The following KCNH7 variants were observed in gnomAD, a reference collection of about 807,000 sequenced individuals.
The protein encoded by KCNH7 is potassium voltage-gated channel subfamily H member 7.
KCNH7 carries 49 observed loss-of-function variants against 120.8 expected under a neutral mutation model. The observed-to-expected ratio is 0.41, with a 90% CI of 0.32 to 0.51. KCNH7 has a LOEUF of 0.51. KCNH7 is among the 20% of genes least tolerant of loss of function. KCNH7 has a pLI of 0.38. For missense variants in KCNH7, 1,097 were observed against 1,446.6 expected (o/e 0.76, Z 3.92); for synonymous variants, 547 against 516.1 (o/e 1.06, Z -0.81).
At chr2:162,687,624 G>C (rs1198442149) in intron 2 of KCNH7, among the ~76,000 whole-genome samples, 2 of 152,016 alleles carry the variant, frequency 1.3e-5, no homozygotes, top group Non-Finnish European at 2.9e-5. Flanking sequence ...CACCACGAAA[G>C]TTGGCAAATG....
chr2:162,689,068 A>C (rs1433485141), intron 2 of KCNH7, among the ~76,000 whole-genome samples: 2 of 152,014 alleles, frequency 1.3e-5, no homozygotes, highest in Admixed American at 1.3e-4. Context: ...ATCTTCAATA[A>C]ATAGTATCTA....
chr2:162,714,718 A>G (rs1290370856), intron 2 of KCNH7, among the ~76,000 whole-genome samples: 1 of 152,226 alleles, frequency 6.6e-6, no homozygotes, highest in Non-Finnish European at 1.5e-5. Context: ...AGCAGTCTAG[A>G]CAATATGTAA....
At chr2:162,465,954 A>G (rs1440633173) in intron 6 of KCNH7, among the ~76,000 whole-genome samples, 1 of 152,200 alleles carries the variant, frequency 6.6e-6, no homozygotes, top group Non-Finnish European at 1.5e-5. Flanking sequence ...ACCTGTGAAG[A>G]TATTCAGAAT....
At position 162,459,113 on chromosome 2, in the gene KCNH7, C is replaced by T. The variant is rs114782624; in HGVS notation, c.1129-12670G>A. On this transcript the variant is annotated intron_variant, in intron 6 of 15. Coordinates refer to ENST00000332142, the MANE Select transcript of KCNH7 (RefSeq NM_033272.4). ...AGAGATTTTAAACTTGCAGAAGCAA[C>T]GGCTGAAGATCTGGAAAGTGGATTA... Among the ~76,000 whole-genome samples the T allele has an allele frequency of 8.4e-3, 1,269 of 150,960 alleles. 21 individuals carry two copies. The highest frequency in any genetic ancestry group is 0.029 in the African/African-American group (1,186 of 41,252).
intron 2 of KCNH7, among the ~76,000 whole-genome samples, chr2:162,698,221 G>A (rs573381362): frequency 3.3e-5 from 5 of 152,128 alleles, no homozygotes; most frequent in East Asian, 3.9e-4. Context: ...AAATACTACC[G>A]ATATCAATGA....
At chr2:162,390,709 A>G (rs1027193957) in intron 12 of KCNH7, among the ~76,000 whole-genome samples, 10 of 151,930 alleles carry the variant, frequency 6.6e-5, no homozygotes, top group Non-Finnish European at 1.2e-4. Flanking sequence ...AAAGATAACT[A>G]CTTGAAGATA....
chr2:162,587,396 A>G (rs940682768), intron 2 of KCNH7, among the ~76,000 whole-genome samples: 3 of 152,126 alleles, frequency 2.0e-5, no homozygotes, highest in African/African-American at 7.2e-5. Flanking sequence ...AACTCACAAT[A>G]ACTTCCTAGA....
chr2:162,626,401 G>A (rs1010790656), intron 2 of KCNH7, among the ~76,000 whole-genome samples: 2 of 152,064 alleles, frequency 1.3e-5, no homozygotes, highest in Non-Finnish European at 2.9e-5. Flanking sequence ...TTTGAAAATG[G>A]AAGATACTGC....
intron 2 of KCNH7, among the ~76,000 whole-genome samples, chr2:162,690,127 G>A (rs913019197): frequency 1.3e-5 from 2 of 152,080 alleles, no homozygotes; most frequent in Non-Finnish European, 2.9e-5. Context: ...ACTGACACAG[G>A]GACAGAAAAC....
chr2:162,485,129 G>T (rs1690052186), intron 6 of KCNH7, among the ~76,000 whole-genome samples: 1 of 152,092 alleles, frequency 6.6e-6, no homozygotes, highest in East Asian at 1.9e-4. Context: ...ATTCAGAATG[G>T]AACAAAATTA....
Position 162,472,730 on chromosome 2 carries a change from C to T in KCNH7, c.1129-26287G>A, listed in dbSNP as rs559125310. Among the ~76,000 whole-genome samples the T allele has an allele frequency of 4.5e-3, 684 of 152,250 alleles. 1 individual carries two copies. Among genetic ancestry groups the T allele is most frequent in the Non-Finnish European group, 6.1e-3 (418 of 68,030 alleles). On this transcript the variant is annotated intron_variant, in intron 6 of 15. Transcript: ENST00000332142. Reference sequence around the variant, plus strand: ...GAAATACCATTTGACCCAGCCATCCCATTACTGGGTATACACCCAAAGGAT... The same window carrying T: ...GAAATACCATTTGACCCAGCCATCCTATTACTGGGTATACACCCAAAGGAT...
intron 2 of KCNH7, among the ~76,000 whole-genome samples, chr2:162,675,130 A>G (rs1685489291): frequency 6.6e-6 from 1 of 151,618 alleles, no homozygotes; most frequent in Non-Finnish European, 1.5e-5. Context: ...AACAAGATAT[A>G]TTATGTTCTG....
At chr2:162,548,262 C>T (rs1225107990) in intron 2 of KCNH7, among the ~76,000 whole-genome samples, 1 of 152,184 alleles carries the variant, frequency 6.6e-6, no homozygotes, top group Non-Finnish European at 1.5e-5. Context: ...CAAGGCCTTG[C>T]AGCAGGTAGC....
chr2:162,666,238 C>T (rs770006678), intron 2 of KCNH7, among the ~76,000 whole-genome samples: 3 of 152,056 alleles, frequency 2.0e-5, no homozygotes, highest in Non-Finnish European at 4.4e-5. Flanking sequence ...TGTCATCATG[C>T]CTCACACTTC....
At chr2:162,806,986 T>C (rs776964746) in intron 2 of KCNH7, among the ~76,000 whole-genome samples, 60 of 151,898 alleles carry the variant, frequency 4.0e-4, no homozygotes, top group Admixed American at 9.8e-4. Context: ...AATCCAACAA[T>C]AGAAATAGAA....
chr2:162,639,641 A>G (rs1684079299), intron 2 of KCNH7, among the ~76,000 whole-genome samples: 1 of 152,160 alleles, frequency 6.6e-6, no homozygotes, highest in Admixed American at 6.6e-5. Context: ...TGAAAGATTG[A>G]ATGTCTTCCC....
At chr2:162,481,539 T>A (rs1689929281) in intron 6 of KCNH7, among the ~76,000 whole-genome samples, 1 of 152,162 alleles carries the variant, frequency 6.6e-6, no homozygotes, top group Non-Finnish European at 1.5e-5. Context: ...AGATGTTCTA[T>A]CCAGCACAGT....
intron 2 of KCNH7, among the ~76,000 whole-genome samples, chr2:162,727,311 T>A (rs1687567007): frequency 6.6e-6 from 1 of 152,172 alleles, no homozygotes; most frequent in South Asian, 2.1e-4. Context: ...CACAACATAA[T>A]AGAGATGTAT....
chr2:162,465,428 G>T (rs1370303938), intron 6 of KCNH7, among the ~76,000 whole-genome samples: 1 of 152,052 alleles, frequency 6.6e-6, no homozygotes, highest in Non-Finnish European at 1.5e-5. Flanking sequence ...TTCCAATATA[G>T]AAATGTATTT....
Sources: gnomAD v4.1 joint callset for allele counts (sites outside exome capture counted in the v4.1 genomes callset) on GRCh38, gnomAD v4.1.1 for gene constraint, MANE v1.5 for transcripts, NCBI Gene and HGNC (gene_info 2026-07-23, HGNC 2026-07-21) for gene names.